EVC2: variants seen among roughly 807,000 people sequenced by gnomAD.
EVC2 encodes EvC ciliary complex subunit 2.
EVC2 carries 148 observed loss-of-function variants against 149.3 expected under a neutral mutation model. That is an observed-to-expected ratio of 0.99 (90% CI 0.87 to 1.14). The LOEUF (loss-of-function observed/expected upper bound fraction) is 1.14, where lower values mean the gene tolerates loss of function less well. EVC2 is among the 50% of genes most tolerant of loss of function. EVC2 has a pLI of 0.00. For synonymous variants in EVC2, 776 were observed against 649.9 expected, an observed-to-expected ratio of 1.19 and a Z score of -2.95; for missense variants, 1,854 against 1,627.3, an observed-to-expected ratio of 1.14 and a Z score of -2.40.
At chr4:5,612,935 A>AGG (rs1714961650) in intron 16 of EVC2, among the ~76,000 whole-genome samples, 1 of 150,420 alleles carries the variant, frequency 6.6e-6, no homozygotes, top group African/African-American at 2.4e-5. Context: ...AAAAAAAAAA[A>AGG]AAAAAAAAAA....
chr4:5,708,509 T>C lies in EVC2; in HGVS notation c.5A>G (p.Asp2Gly). 1.4e-6 allele frequency: 2 copies of C among 1,466,364 alleles called. No homozygotes were observed. Among genetic ancestry groups the C allele is most frequent in the South Asian group, 1.3e-5 (1 of 75,588 alleles). The allele number at this position is 1,466,364 out of a possible 1,614,324, so 90.8% of individuals were successfully genotyped here. The change falls in exon 1 of 22, where the codon GAC becomes GGC. Residue 2 changes from aspartate to glycine, a missense_variant. By Grantham distance (94) the Asp-to-Gly change is moderately conservative (BLOSUM62 -1). Transcript: ENST00000344408. ...GGGGCGCCCCCGGGAGCCCGAGGGG[T>C]CCATCGCCTGTCGGGACCCGCTACC... The part of the protein sequence containing the change: M[D>G]PSGSRGRPTW...
intron 9 of EVC2, among the ~76,000 whole-genome samples, chr4:5,658,178 A>G (rs975767044): frequency 3.3e-5 from 5 of 152,188 alleles, no homozygotes; most frequent in African/African-American, 1.2e-4. Flanking sequence ...AGAGTCTTGG[A>G]TCTACCACAG....
At chr4:5,564,963 C>T (rs1165629664) in intron 21 of EVC2, among the ~76,000 whole-genome samples, 1 of 152,180 alleles carries the variant, frequency 6.6e-6, no homozygotes, top group South Asian at 2.1e-4. Context: ...GCTTTGTGAA[C>T]AGTAGCTATA....
At chr4:5,662,322 T>C (rs560503296) in intron 9 of EVC2, among the ~76,000 whole-genome samples, 36 of 151,918 alleles carry the variant, frequency 2.4e-4, no homozygotes, top group African/African-American at 8.2e-4. Context: ...GATGAAATAA[T>C]CTGTACAACA....
intron 1 of EVC2, among the ~76,000 whole-genome samples, chr4:5,700,643 T>C (rs1368563339): frequency 6.6e-6 from 1 of 152,152 alleles, no homozygotes; most frequent in Non-Finnish European, 1.5e-5. Context: ...TCTGGGCATC[T>C]CTGATTCTTG....
In EVC2 at chr4:5,554,083, C is replaced by T. The variant is rs116816801; in HGVS notation, c.3420-10871G>A. Among the ~76,000 whole-genome samples, 903 of 152,230 alleles carry T rather than the reference C, an allele frequency of 5.9e-3. 4 individuals are homozygous for T. The highest frequency in any genetic ancestry group is 0.02 in the African/African-American group (831 of 41,542). On this transcript the variant is annotated intron_variant and NMD_transcript_variant, in intron 21 of 22. Transcript: ENST00000475313. ...AAACGGAAGACAGAAAAAGGAAACA[C>T]GCCACTTCCAGTTTCAGTCCCAACA...
At chr4:5,585,262 T>A (rs942389880) in intron 16 of EVC2, among the ~76,000 whole-genome samples, 1 of 152,172 alleles carries the variant, frequency 6.6e-6, no homozygotes, top group African/African-American at 2.4e-5. Context: ...CACTCACACA[T>A]GCACAACTGG....
chr4:5,655,468 C>A (rs1200488257), intron 9 of EVC2, among the ~76,000 whole-genome samples: 1 of 152,146 alleles, frequency 6.6e-6, no homozygotes, highest in Non-Finnish European at 1.5e-5. Flanking sequence ...CTGTGTCCAG[C>A]CTCCTGCAGT....
chr4:5,531,401 C>G, the EVC2 span, among the ~76,000 whole-genome samples: 1 of 152,166 alleles, frequency 6.6e-6, no homozygotes, highest in Non-Finnish European at 1.5e-5. Flanking sequence ...TCAGGGGTCT[C>G]CAACCCCTAG....
At chr4:5,676,752 TTCTC>T (rs138939043) in intron 7 of EVC2, among the ~76,000 whole-genome samples, 2 of 151,886 alleles carry the variant, frequency 1.3e-5, no homozygotes, top group South Asian at 2.1e-4. Flanking sequence ...GCCCATGGAG[TTCTC>T]TCTCTCTCTG....
At chr4:5,561,153 CT>C (rs1721939637), downstream of EVC2, among the ~76,000 whole-genome samples, 4 of 152,294 alleles carry the variant, frequency 2.6e-5, 1 homozygote, top group South Asian at 8.3e-4. Flanking sequence ...ATCAGAGCCC[CT>C]GTAGAAGCAG....
At chr4:5,533,357 C>T in the EVC2 span, among the ~76,000 whole-genome samples, 2 of 152,172 alleles carry the variant, frequency 1.3e-5, no homozygotes, top group Non-Finnish European at 2.9e-5. Flanking sequence ...CAGCCACAGT[C>T]CTGGCTGCTC....
intron 21 of EVC2, among the ~76,000 whole-genome samples, chr4:5,544,044 A>C (rs1056272338): frequency 6.6e-6 from 1 of 152,158 alleles, no homozygotes; most frequent in Admixed American, 6.5e-5. Flanking sequence ...CCAGGTGCTC[A>C]CGCGGTGGAA....
intron 19 of EVC2, 130 bp downstream of exon 19, chr4:5,574,555 C>G: frequency 1.1e-6 from 1 of 914,848 alleles, no homozygotes; most frequent in East Asian, 2.4e-5. Flanking sequence ...GCTTCGCACA[C>G]ATCTGCTCTG....
intron 7 of EVC2, among the ~76,000 whole-genome samples, chr4:5,671,761 C>T (rs1331541908): frequency 2.0e-5 from 3 of 152,208 alleles, no homozygotes; most frequent in Non-Finnish European, 4.4e-5. Context: ...CTGCCCACCT[C>T]GGCCTCCCAA....
intron 7 of EVC2, among the ~76,000 whole-genome samples, chr4:5,676,117 G>A (rs1419415968): frequency 1.3e-5 from 2 of 152,120 alleles, no homozygotes; most frequent in East Asian, 3.9e-4. Context: ...GGGCACATGT[G>A]ATGAACACAG....
the EVC2 span, among the ~76,000 whole-genome samples, chr4:5,530,494 T>A: frequency 2.6e-5 from 4 of 151,710 alleles, no homozygotes; most frequent in Admixed American, 2.6e-4. Flanking sequence ...TCAAACAAAC[T>A]AACATATGAA....
At chr4:5,681,669 G>A (rs768662791) in intron 6 of EVC2, among the ~76,000 whole-genome samples, 41 of 152,174 alleles carry the variant, frequency 2.7e-4, no homozygotes, top group Non-Finnish European at 5.1e-4. Flanking sequence ...AGAGGTAGAT[G>A]GAATCCTGGG....
intron 9 of EVC2, among the ~76,000 whole-genome samples, chr4:5,649,291 G>A (rs866738511): frequency 6.6e-6 from 1 of 152,108 alleles, no homozygotes; most frequent in Non-Finnish European, 1.5e-5. Context: ...TGCTACATAT[G>A]CAAACTGTAC....
Sources: gnomAD v4.1 joint callset for allele counts (sites outside exome capture counted in the v4.1 genomes callset) on GRCh38, gnomAD v4.1.1 for gene constraint, MANE v1.5 for transcripts, NCBI Gene and HGNC (gene_info 2026-07-23, HGNC 2026-07-21) for gene names.